The following SPTLC1 variants were observed in gnomAD, a reference collection of about 807,000 sequenced individuals.
SPTLC1 encodes serine palmitoyltransferase long chain base subunit 1.
Under a neutral mutation model 68.9 loss-of-function variants are expected in SPTLC1, and 55 were observed. That is an observed-to-expected ratio of 0.80 (90% CI 0.64 to 1.00). The LOEUF (loss-of-function observed/expected upper bound fraction) is 1.00, where lower values mean the gene tolerates loss of function less well. Among genes scored for constraint, SPTLC1 ranks in the 50% least tolerant of loss-of-function variants. The probability of loss-of-function intolerance (pLI) is 0.00; values close to 1 mark genes in which losing one functional copy is unlikely to be tolerated. For synonymous variants in SPTLC1, 197 were observed against 201.6 expected, an observed-to-expected ratio of 0.98 and a Z score of 0.19; for missense variants, 449 against 573.1, an observed-to-expected ratio of 0.78 and a Z score of 2.21.
chr9:92,055,589 T>C (rs924844473), intron 7 of SPTLC1, 95 bp from the exon 8 acceptor site: 4 of 1,236,010 alleles, frequency 3.2e-6, no homozygotes, highest in Non-Finnish European at 4.6e-6. Flanking sequence ...ACAAGATTTA[T>C]TCCTAAAAAA....
intron 5 of SPTLC1, chr9:92,079,382 A>AT (rs1834797624): frequency 6.8e-7 from 1 of 1,464,788 alleles, no homozygotes; most frequent in Non-Finnish European, 9.0e-7. Flanking sequence ...GGCCTAAACA[A>AT]TTATTTAATA....
intron 3 of SPTLC1, among the ~76,000 whole-genome samples, chr9:92,083,980 G>C (rs1364016547): frequency 6.6e-6 from 1 of 152,134 alleles, no homozygotes; most frequent in Non-Finnish European, 1.5e-5. Flanking sequence ...TGGATTCCTA[G>C]GTATTTCATT....
chr9:92,047,737 T>G, intron 9 of SPTLC1, 29 bp from the exon 10 acceptor site: 1 of 1,534,766 alleles, frequency 6.5e-7, no homozygotes, highest in Non-Finnish European at 9.0e-7. Flanking sequence ...TGACAGTTAT[T>G]CCACAGTTTA....
intron 8 of SPTLC1, chr9:92,050,866 G>T: frequency 4.8e-6 from 1 of 207,512 alleles, no homozygotes; most frequent in Non-Finnish European, 7.2e-6. Context: ...AGGCTAGAGT[G>T]CAGTGGTAGG....
intron 5 of SPTLC1, chr9:92,079,479 A>T: frequency 6.2e-7 from 1 of 1,613,012 alleles, no homozygotes; most frequent in South Asian, 1.1e-5. Context: ...AATTCACTGT[A>T]TTTGAAATCA....
chr9:92,101,233 G>C (rs1408100832), intron 3 of SPTLC1, among the ~76,000 whole-genome samples: 2 of 152,040 alleles, frequency 1.3e-5, no homozygotes, highest in Non-Finnish European at 2.9e-5. Flanking sequence ...GCCATAGCCT[G>C]AATGAGAAAT....
rs1834721122 is a variant in SPTLC1 at position 92,077,435 on chromosome 9, C to T, written c.427+2581G>A. Reference sequence around the variant, plus strand: ...GGACCTTACCTGGTCGTCTATAGTACCCCAACCACAGTCGTCTGCAGAATC... The same window carrying T: ...GGACCTTACCTGGTCGTCTATAGTATCCCAACCACAGTCGTCTGCAGAATC... On this transcript the variant is annotated intron_variant, in intron 5 of 14. Coordinates refer to ENST00000262554, the MANE Select transcript of SPTLC1 (RefSeq NM_006415.4). Among the ~76,000 whole-genome samples, 3 of 152,114 alleles carry T rather than the reference C, an allele frequency of 2.0e-5. No homozygotes were observed. The South Asian group carries it at 6.2e-4, about 32-fold the overall frequency.
At position 92,080,976 on chromosome 9, in the gene SPTLC1, T is replaced by TA. The variant is rs1554711622; in HGVS notation, c.261-14dup. 2 of 1,595,680 alleles carry TA rather than the reference T, an allele frequency of 1.3e-6. No individual in the cohort carries two copies. The highest frequency in any genetic ancestry group is 8.6e-7 in the Non-Finnish European group (1 of 1,163,562). ...GTGGCTTGGAGGGCTAGGGAAGAGA[T>TA]AGAGTGGTACATGTCAATTACACAT... On this transcript the variant is annotated splice_polypyrimidine_tract_variant and intron_variant, in intron 3 of 14. Transcript: ENST00000262554.
intron 7 of SPTLC1, among the ~76,000 whole-genome samples, chr9:92,057,168 T>C (rs1244417245): frequency 6.6e-6 from 1 of 152,248 alleles, no homozygotes; most frequent in Non-Finnish European, 1.5e-5. Flanking sequence ...CATTATGCTG[T>C]GAGCATTTCT....
intron 3 of SPTLC1, among the ~76,000 whole-genome samples, chr9:92,100,368 A>G (rs1262316106): frequency 6.6e-6 from 1 of 152,172 alleles, no homozygotes; most frequent in African/African-American, 2.4e-5. Context: ...TGTTCCATGA[A>G]CTAGTGGTCA....
At chr9:92,048,890 C>T (rs1052898357) in intron 9 of SPTLC1, among the ~76,000 whole-genome samples, 1 of 152,178 alleles carries the variant, frequency 6.6e-6, no homozygotes, top group African/African-American at 2.4e-5. Flanking sequence ...TACTCTCAGG[C>T]GCTTGTGAGT....
intron 11 of SPTLC1, 74 bp from the exon 12 acceptor site, chr9:92,046,127 C>T: frequency 2.4e-6 from 3 of 1,238,720 alleles, no homozygotes; most frequent in Non-Finnish European, 3.5e-6. Context: ...TTTTTGAAGA[C>T]CCAGATCAAG....
At chr9:92,080,506 GA>G (rs1834841024) in intron 4 of SPTLC1, among the ~76,000 whole-genome samples, 2 of 152,140 alleles carry the variant, frequency 1.3e-5, no homozygotes, top group Admixed American at 6.6e-5. Context: ...AAAGTAATGG[GA>G]AAAACTTGCA....
intron 6 of SPTLC1, among the ~76,000 whole-genome samples, chr9:92,064,209 T>C (rs1292746113): frequency 6.6e-6 from 1 of 152,156 alleles, no homozygotes; most frequent in Admixed American, 6.6e-5. Flanking sequence ...TAGCAATGAA[T>C]ACGTGGACAT....
intron 6 of SPTLC1, among the ~76,000 whole-genome samples, chr9:92,064,065 G>A (rs1435426482): frequency 1.3e-5 from 2 of 152,202 alleles, no homozygotes; most frequent in African/African-American, 2.4e-5. Flanking sequence ...ACTATTTACA[G>A]ATGACATGAC....
At chr9:92,061,217 T>C (rs1834089037) in intron 6 of SPTLC1, among the ~76,000 whole-genome samples, 1 of 152,124 alleles carries the variant, frequency 6.6e-6, no homozygotes, top group Admixed American at 6.5e-5. Flanking sequence ...AGATGACTTC[T>C]GAAAACAAAT....
At position 92,031,734 on chromosome 9, in the gene SPTLC1, A is replaced by C. The variant is rs1311514458; in HGVS notation, c.*731T>G. The stretch of plus-strand genomic sequence containing the variant: ...AAAACAGATTAGAGGTGAACACATA[A>C]GAAATGTAAAGAAAGGTTAATTACA... On this transcript the variant is annotated 3_prime_UTR_variant, in exon 15 of 15. Transcript: ENST00000262554. 1 of 152,954 alleles carries C rather than the reference A, an allele frequency of 6.5e-6. No individual in the cohort carries two copies. The highest frequency in any genetic ancestry group is 1.5e-5 in the Non-Finnish European group (1 of 68,256). 9.5% of individuals were successfully genotyped at this position (152,954 alleles called of 1,614,324 possible). A position where few individuals can be genotyped will look rare whatever the true frequency, so the allele number is the denominator to read the frequency against.
chr9:92,083,558 T>C (rs1424386501), intron 3 of SPTLC1, among the ~76,000 whole-genome samples: 3 of 152,182 alleles, frequency 2.0e-5, no homozygotes, highest in Non-Finnish European at 4.4e-5. Context: ...TGTAGATATG[T>C]GGCGTTATTT....
intron 3 of SPTLC1, among the ~76,000 whole-genome samples, chr9:92,083,480 C>T (rs1403809431): frequency 1.3e-5 from 2 of 152,090 alleles, no homozygotes; most frequent in Admixed American, 1.3e-4. Context: ...TTTCCCAGCA[C>T]CATTTATTAA....
Sources: allele counts gnomAD v4.1 joint callset (sites outside exome capture counted in the v4.1 genomes callset), GRCh38; gene constraint gnomAD v4.1.1; transcripts MANE v1.5; gene names NCBI Gene and HGNC (gene_info 2026-07-23, HGNC 2026-07-21).